GRID2: variants seen among roughly 807,000 people sequenced by gnomAD.
GRID2 encodes the protein glutamate ionotropic receptor delta type subunit 2.
GRID2 carries 33 observed loss-of-function variants against 114.8 expected under a neutral mutation model. The ratio of observed to expected loss-of-function variants is 0.29; its 90% CI spans 0.22 to 0.38. The LOEUF is 0.38. Ranked by LOEUF, GRID2 falls within the 10% of genes least tolerant of loss-of-function variation. The probability of loss-of-function intolerance (pLI) is 1.00; values close to 1 mark genes in which losing one functional copy is unlikely to be tolerated. For missense variants in GRID2, 1,184 were observed against 1,257.7 expected (o/e 0.94, Z 0.89); for synonymous variants, 505 against 449.9 (o/e 1.12, Z -1.55).
chr4:92,369,289 T>C (rs908971774), intron 1 of GRID2, among the ~76,000 whole-genome samples: 1 of 152,152 alleles, frequency 6.6e-6, no homozygotes, highest in African/African-American at 2.4e-5. Flanking sequence ...TCCCCTAATG[T>C]TAGACTAATG....
intron 2 of GRID2, among the ~76,000 whole-genome samples, chr4:92,946,130 G>A (rs1044758178): frequency 6.6e-6 from 1 of 151,970 alleles, no homozygotes; most frequent in Non-Finnish European, 1.5e-5. Flanking sequence ...TTCTTCAACC[G>A]CTGTTTCCTT....
chr4:92,949,609 A>G lies in GRID2; in HGVS notation c.245-135386A>G, dbSNP rs564919374. ...AATAGAAAAAGTAATTGCTTTAGCA[A>G]TGATCTAGTATGAAAGTGATGGATT... On this transcript the variant is annotated intron_variant, in intron 2 of 15. Coordinates refer to ENST00000282020, the MANE Select transcript of GRID2 (RefSeq NM_001510.4). Among the ~76,000 whole-genome samples the G allele has an allele frequency of 1.5e-4, 23 of 151,584 alleles. No homozygotes were observed. In the South Asian group the frequency reaches 4.2e-3, roughly 27 times the overall value.
Position 93,696,237 on chromosome 4 carries a change from T to C in GRID2, c.2360+69802T>C, listed in dbSNP as rs79672595. ...CTTTGTCATCTTCCACACTTGACCT[T>C]CTTGATTTCTTCCCTTTACTTAGCT... On this transcript the variant is annotated intron_variant, in intron 14 of 15. Coordinates refer to ENST00000282020, the MANE Select transcript of GRID2 (RefSeq NM_001510.4). 2.7e-3 allele frequency among the ~76,000 whole-genome samples: 405 copies of C among 152,164 alleles called. 1 individual carries two copies. The highest frequency in any genetic ancestry group is 8.6e-3 in the African/African-American group (359 of 41,584).
chr4:92,783,719 C>CA (rs1437103429), intron 2 of GRID2, among the ~76,000 whole-genome samples: 4 of 151,828 alleles, frequency 2.6e-5, no homozygotes, highest in African/African-American at 4.8e-5. Context: ...CCAGTCTTTA[C>CA]AAAAAACAAA....
intron 2 of GRID2, among the ~76,000 whole-genome samples, chr4:92,923,497 TAG>T (rs1491407747): frequency 2.4e-4 from 36 of 151,760 alleles, no homozygotes; most frequent in African/African-American, 8.5e-4. Context: ...CATATTTAAT[TAG>T]AAATCAATAA....
At chr4:92,958,742 T>C (rs1284121731) in intron 2 of GRID2, among the ~76,000 whole-genome samples, 1 of 152,062 alleles carries the variant, frequency 6.6e-6, no homozygotes, top group East Asian at 1.9e-4. Context: ...TATAGAAAAT[T>C]GGTATAATTT....
At chr4:93,127,160 CATTTT>C (rs1734352043) in intron 4 of GRID2, among the ~76,000 whole-genome samples, 1 of 152,084 alleles carries the variant, frequency 6.6e-6, no homozygotes, top group African/African-American at 2.4e-5. Context: ...AGATCGTTTG[CATTTT>C]ATTTTTTGTT....
intron 1 of GRID2, among the ~76,000 whole-genome samples, chr4:92,524,249 C>T (rs771372683): frequency 1.3e-5 from 2 of 151,730 alleles, no homozygotes; most frequent in Non-Finnish European, 2.9e-5. Context: ...TATTAATTTC[C>T]TTTTGCTACT....
At chr4:93,166,901 G>A (rs1738302507) in intron 4 of GRID2, among the ~76,000 whole-genome samples, 1 of 152,112 alleles carries the variant, frequency 6.6e-6, no homozygotes, top group Non-Finnish European at 1.5e-5. Context: ...TATGATTTGG[G>A]CTCCACTAAG....
chr4:92,488,305 C>T (rs1210243276), intron 1 of GRID2, among the ~76,000 whole-genome samples: 4 of 152,128 alleles, frequency 2.6e-5, no homozygotes, highest in East Asian at 1.9e-4. Context: ...TTCAACCCAT[C>T]GAAGAGCTGA....
At chr4:92,443,473 A>C (rs1024284888) in intron 1 of GRID2, among the ~76,000 whole-genome samples, 3 of 150,706 alleles carry the variant, frequency 2.0e-5, no homozygotes, top group Non-Finnish European at 4.4e-5. Flanking sequence ...GAAAAGAGAG[A>C]GTAGAGAAAC....
At chr4:92,391,269 C>T (rs1160965985) in intron 1 of GRID2, among the ~76,000 whole-genome samples, 2 of 152,098 alleles carry the variant, frequency 1.3e-5, no homozygotes, top group East Asian at 1.9e-4. Context: ...TGTAGTTAAA[C>T]TTCCAAGGCT....
At chr4:92,653,122 C>G (rs1244939674) in intron 2 of GRID2, among the ~76,000 whole-genome samples, 1 of 150,058 alleles carries the variant, frequency 6.7e-6, no homozygotes, top group Non-Finnish European at 1.5e-5. Context: ...CTCAGCCTCT[C>G]AAGTAGCTGG....
intron 9 of GRID2, among the ~76,000 whole-genome samples, chr4:93,399,547 C>T (rs1765677564): frequency 6.6e-6 from 1 of 151,972 alleles, no homozygotes. Flanking sequence ...TGTTGAATCA[C>T]CAGAACCTAC....
At chr4:92,451,305 A>G (rs1284637816) in intron 1 of GRID2, among the ~76,000 whole-genome samples, 2 of 152,180 alleles carry the variant, frequency 1.3e-5, no homozygotes, top group African/African-American at 4.8e-5. Flanking sequence ...TATTAGTGAT[A>G]TTAATTAAAT....
chr4:93,682,431 G>A (rs1725651553), intron 14 of GRID2, among the ~76,000 whole-genome samples: 1 of 151,734 alleles, frequency 6.6e-6, no homozygotes, highest in South Asian at 2.1e-4. Flanking sequence ...CCATTACTGG[G>A]TATATACCCA....
In GRID2 at chr4:93,692,602, C is replaced by T. The variant is rs1168775460; in HGVS notation, c.2360+66167C>T. Among the ~76,000 whole-genome samples the T allele has an allele frequency of 2.6e-5, 4 of 151,840 alleles. No individual in the cohort carries two copies. In the East Asian group the frequency reaches 5.8e-4, roughly 22 times the overall value. ...GTATTTGGAATTATGTATACTTAGC[C>T]TCATATCATTTAGGCCATTGTGTAA... On this transcript the variant is annotated intron_variant, in intron 14 of 15. Coordinates refer to ENST00000282020, the MANE Select transcript of GRID2 (RefSeq NM_001510.4).
At chr4:92,633,974 A>T (rs1409726843) in intron 2 of GRID2, among the ~76,000 whole-genome samples, 1 of 152,052 alleles carries the variant, frequency 6.6e-6, no homozygotes, top group Non-Finnish European at 1.5e-5. Context: ...AGATAAGCAC[A>T]AGTTTACCTC....
At chr4:92,947,735 T>C (rs1560733763) in intron 2 of GRID2, among the ~76,000 whole-genome samples, 1 of 151,886 alleles carries the variant, frequency 6.6e-6, no homozygotes, top group East Asian at 1.9e-4. Context: ...TTTGTAATGA[T>C]GTAGTGAATA....
Sources: allele counts gnomAD v4.1 joint callset (sites outside exome capture counted in the v4.1 genomes callset), GRCh38; gene constraint gnomAD v4.1.1; transcripts MANE v1.5; gene names NCBI Gene and HGNC (gene_info 2026-07-23, HGNC 2026-07-21).